PTBP3: variants seen among roughly 807,000 people sequenced by gnomAD.
PTBP3 encodes polypyrimidine tract-binding protein 3.
A neutral mutation model predicts 58.7 loss-of-function variants in PTBP3; 20 were observed. That is an observed-to-expected ratio of 0.34 (90% confidence interval 0.24 to 0.50). The LOEUF (loss-of-function observed/expected upper bound fraction) is 0.50. Among genes scored for constraint, PTBP3 ranks in the 20% least tolerant of loss-of-function variants. The probability of loss-of-function intolerance (pLI) is 0.98; values close to 1 mark genes in which losing one functional copy is unlikely to be tolerated. For synonymous variants in PTBP3, 185 were observed against 219.8 expected, an observed-to-expected ratio of 0.84 and a Z score of 1.40; for missense variants, 509 against 637.2, an observed-to-expected ratio of 0.80 and a Z score of 2.17.
chr9:112,378,028 C>T, the PTBP3 span, among the ~76,000 whole-genome samples: 1 of 152,156 alleles, frequency 6.6e-6, no homozygotes, highest in African/African-American at 2.4e-5. Flanking sequence ...ACAAACTATT[C>T]TTCATGCTGC....
rs759324561 is a variant in PTBP3, at chr9:112,234,854, T to G, written c.846A>C (p.Gly282=). Residue 282 remains glycine (G), a synonymous_variant, in exon 8 of 14, where the codon GGA becomes GGC. Coordinates refer to ENST00000374257, the MANE Select transcript of PTBP3 (RefSeq NM_001163788.4). ...GAGGAAATCCAATGGCTGGGGCAAA[T>G]CCAGCAGCCCCTGCATATGGTGAAG... ...IISSPYAGAA[G]FAPAIGFPQA... 6.2e-7 allele frequency: 1 copy of G among 1,612,912 alleles called. No homozygotes were observed. Among genetic ancestry groups the G allele is most frequent in the Non-Finnish European group, 8.5e-7 (1 of 1,179,332 alleles).
intron 3 of PTBP3, among the ~76,000 whole-genome samples, chr9:112,270,179 C>T (rs935818900): frequency 3.3e-5 from 5 of 152,024 alleles, no homozygotes; most frequent in African/African-American, 1.2e-4. Flanking sequence ...TGACCTCAAG[C>T]GATCCACCCC....
intron 2 of PTBP3, among the ~76,000 whole-genome samples, chr9:112,284,134 T>C (rs749598891): frequency 6.6e-6 from 1 of 152,056 alleles, no homozygotes; most frequent in Admixed American, 6.6e-5. Flanking sequence ...ATATAGTCCC[T>C]GCTGAGGCAC....
chr9:112,320,314 A>ATATATATATATATATATATATAT, intron 1 of PTBP3, among the ~76,000 whole-genome samples: 13 of 75,680 alleles, frequency 1.7e-4, no homozygotes, highest in African/African-American at 6.7e-4. Context: ...ATATATATAT[A>ATATATATATATATATATATATAT]TTTTTTTTTA....
intron 12 of PTBP3, among the ~76,000 whole-genome samples, chr9:112,226,009 A>C (rs755711713): frequency 1.3e-5 from 2 of 152,184 alleles, no homozygotes; most frequent in African/African-American, 4.8e-5. Context: ...ACACCACTGC[A>C]CTACAGCCTG....
In PTBP3 at chr9:112,234,872, T is replaced by C. The variant is rs1436497872; in HGVS notation, c.828A>G (p.Pro276=). 1.2e-6 allele frequency: 2 copies of C among 1,612,798 alleles called. No homozygotes were observed. The highest frequency in any genetic ancestry group is 2.7e-5 in the African/African-American group (2 of 74,862). Reference sequence around the variant, plus strand: ...GGGCAAATCCAGCAGCCCCTGCATATGGTGAAGAAATTATACCCGGTGCAC... The same window carrying C: ...GGGCAAATCCAGCAGCCCCTGCATACGGTGAAGAAATTATACCCGGTGCAC... ...AFGAPGIISS[P]YAGAAGFAPA... is the part of the protein sequence containing the mutation. The change falls in exon 8 of 14, where the codon CCA becomes CCG. Residue 276 remains proline (P), a synonymous_variant. Coordinates refer to ENST00000374257, the MANE Select transcript of PTBP3 (RefSeq NM_001163788.4).
At chr9:112,378,304 C>T in the PTBP3 span, among the ~76,000 whole-genome samples, 1 of 152,170 alleles carries the variant, frequency 6.6e-6, no homozygotes, top group Admixed American at 6.5e-5. Flanking sequence ...TGAAAGCCAT[C>T]GCAAAGTATA....
At chr9:112,312,776 G>T (rs1829544797) in intron 1 of PTBP3, among the ~76,000 whole-genome samples, 1 of 152,074 alleles carries the variant, frequency 6.6e-6, no homozygotes, top group South Asian at 2.1e-4. Context: ...GGGCACAGTG[G>T]CTCATGCATG....
chr9:112,235,883 C>G (rs536813234), intron 7 of PTBP3, among the ~76,000 whole-genome samples: 19 of 151,878 alleles, frequency 1.3e-4, no homozygotes, highest in African/African-American at 4.6e-4. Flanking sequence ...AGGAAAGAAA[C>G]AAGGAATTAT....
At chr9:112,241,349 C>G (rs1835654274) in intron 7 of PTBP3, among the ~76,000 whole-genome samples, 1 of 152,192 alleles carries the variant, frequency 6.6e-6, no homozygotes, top group South Asian at 2.1e-4. Context: ...AGTGATCCAC[C>G]TGCCTTGGCC....
At chr9:112,318,695 G>A (rs1471536123) in intron 1 of PTBP3, among the ~76,000 whole-genome samples, 1 of 151,996 alleles carries the variant, frequency 6.6e-6, no homozygotes, top group Non-Finnish European at 1.5e-5. Flanking sequence ...GGGAGGCAGA[G>A]GTTGCAGTGA....
chr9:112,246,009 G>A (rs902299787), intron 7 of PTBP3, among the ~76,000 whole-genome samples: 1 of 151,640 alleles, frequency 6.6e-6, no homozygotes, highest in Non-Finnish European at 1.5e-5. Context: ...TTGAGATGGA[G>A]TCTTGCTCTG....
intron 4 of PTBP3, among the ~76,000 whole-genome samples, chr9:112,265,395 C>T (rs1235440667): frequency 3.0e-5 from 4 of 131,598 alleles, no homozygotes; most frequent in Admixed American, 2.8e-4. Flanking sequence ...CCCAGCTACT[C>T]GTGAGGCTAA....
chr9:112,258,344 C>CT (rs1227410622), intron 5 of PTBP3, among the ~76,000 whole-genome samples: 1 of 152,176 alleles, frequency 6.6e-6, no homozygotes, highest in Non-Finnish European at 1.5e-5. Context: ...TACAAATACT[C>CT]TGAGATGATG....
At chr9:112,375,903 T>C in the PTBP3 span, among the ~76,000 whole-genome samples, 3 of 152,130 alleles carry the variant, frequency 2.0e-5, no homozygotes, top group African/African-American at 7.2e-5. Context: ...AGAGTAGTTA[T>C]CTGCAGAAGA....
chr9:112,349,696 C>T, the PTBP3 span, among the ~76,000 whole-genome samples: 142,894 of 151,524 alleles, frequency 0.94, 67,494 homozygotes, highest in African/African-American at 0.99. Flanking sequence ...CTGTCTCTAC[C>T]AAAAATACAA....
chr9:112,286,447 C>T (rs1269304007), intron 2 of PTBP3, among the ~76,000 whole-genome samples: 4 of 151,570 alleles, frequency 2.6e-5, no homozygotes, highest in African/African-American at 9.7e-5. Flanking sequence ...TATATGCTAT[C>T]CCTTTTTACT....
At chr9:112,323,155 G>A (rs186789019) in intron 1 of PTBP3, among the ~76,000 whole-genome samples, 1 of 152,348 alleles carries the variant, frequency 6.6e-6, no homozygotes, top group East Asian at 1.9e-4. Flanking sequence ...AGGAGGCTCA[G>A]GCAGGAGGAT....
intron 3 of PTBP3, among the ~76,000 whole-genome samples, chr9:112,274,471 A>G (rs1827522536): frequency 6.6e-6 from 1 of 152,214 alleles, no homozygotes; most frequent in Admixed American, 6.5e-5. Flanking sequence ...AAAAACTTGC[A>G]AAGAACTAAA....
Sources: gnomAD v4.1 joint callset for allele counts (sites outside exome capture counted in the v4.1 genomes callset) on GRCh38, gnomAD v4.1.1 for gene constraint, MANE v1.5 for transcripts, NCBI Gene and HGNC (gene_info 2026-07-23, HGNC 2026-07-21) for gene names.